The following ZNF521 variants were observed in gnomAD, a reference collection of about 807,000 sequenced individuals.
The protein encoded by ZNF521 is zinc finger protein 521, also known as LYST-interacting protein 3.
A neutral mutation model predicts 105.5 loss-of-function variants in ZNF521; 14 were observed. The ratio of observed to expected loss-of-function variants is 0.13; its 90% CI spans 0.09 to 0.21. The LOEUF is 0.21. ZNF521 is among the 10% of genes least tolerant of loss of function. The pLI is 1.00. For synonymous variants in ZNF521, 635 were observed against 606.0 expected (o/e 1.05, Z -0.70); for missense variants, 1,233 against 1,629.7 (o/e 0.76, Z 4.19).
intron 7 of ZNF521, among the ~76,000 whole-genome samples, chr18:25,067,724 A>G (rs924161885): frequency 6.6e-6 from 1 of 151,830 alleles, no homozygotes; most frequent in Non-Finnish European, 1.5e-5. Context: ...AGCCAGGGGG[A>G]ACCTATCTTC....
At chr18:25,247,617 A>AAAATATATTCCATGTT (rs1907821378) in intron 3 of ZNF521, among the ~76,000 whole-genome samples, 1 of 152,210 alleles carries the variant, frequency 6.6e-6, no homozygotes, top group South Asian at 2.1e-4. Context: ...GTGCCACTGG[A>AAAATATATTCCATGTT]CTAGAACATA....
chr18:25,199,774 C>G (rs569500990), intron 4 of ZNF521, among the ~76,000 whole-genome samples: 1 of 152,142 alleles, frequency 6.6e-6, no homozygotes, highest in South Asian at 2.1e-4. Context: ...ACTTTAGACT[C>G]CTTCACTTGA....
intron 5 of ZNF521, among the ~76,000 whole-genome samples, chr18:25,114,786 G>A (rs962748064): frequency 1.3e-5 from 2 of 152,142 alleles, no homozygotes; most frequent in African/African-American, 2.4e-5. Context: ...CACTATAGAA[G>A]CTAAGGATAA....
rs577840011 is a variant in ZNF521, at chr18:25,163,446, C to T, written c.3658+31714G>A. ...TTTATATCAAGCCCCTTTTTAGCAC[C>T]GTGCTATTGGTTTGGTCCGACACCA... On this transcript the variant is annotated intron_variant, in intron 5 of 7. Transcript: ENST00000361524. 4.6e-5 allele frequency among the ~76,000 whole-genome samples: 7 copies of T among 152,164 alleles called. No individual in the cohort carries two copies. In the South Asian group the frequency reaches 1.2e-3, roughly 27 times the overall value.
At chr18:25,299,699 C>T (rs1911522448) in intron 3 of ZNF521, among the ~76,000 whole-genome samples, 1 of 152,072 alleles carries the variant, frequency 6.6e-6, no homozygotes, top group Non-Finnish European at 1.5e-5. Flanking sequence ...AAAGACATAC[C>T]ACTCTATAAA....
intron 2 of ZNF521, among the ~76,000 whole-genome samples, chr18:25,329,127 A>G (rs1913405172): frequency 6.6e-6 from 1 of 152,208 alleles, no homozygotes; most frequent in African/African-American, 2.4e-5. Flanking sequence ...TTCCTGTCCC[A>G]AGAAGTTTGC....
chr18:25,333,535 C>T (rs1294221709), intron 2 of ZNF521, among the ~76,000 whole-genome samples: 1 of 151,924 alleles, frequency 6.6e-6, no homozygotes, highest in Non-Finnish European at 1.5e-5. Context: ...AAAAAAAGTA[C>T]ATCCTGTCTC....
rs528927844 is a variant in ZNF521, at chr18:25,253,409, A to C, written c.221-25712T>G. Among the ~76,000 whole-genome samples, 43 of 152,008 alleles carry C rather than the reference A, an allele frequency of 2.8e-4. No homozygotes were observed. The South Asian group carries it at 7.1e-3, about 25-fold the overall frequency. On this transcript the variant is annotated intron_variant, in intron 3 of 7. Transcript: ENST00000361524. ...AAGCCTGTCACATTCAGGAAAATTT[A>C]GGGGAAACAATTGGGAGTTTAAAAG...
At chr18:25,304,472 A>C (rs1317739589) in intron 3 of ZNF521, among the ~76,000 whole-genome samples, 1 of 152,162 alleles carries the variant, frequency 6.6e-6, no homozygotes, top group Non-Finnish European at 1.5e-5. Flanking sequence ...TGTGTGTGCA[A>C]ACCTACAGCA....
chr18:25,183,222 TC>T (rs748428569), intron 5 of ZNF521, among the ~76,000 whole-genome samples: 9 of 152,074 alleles, frequency 5.9e-5, no homozygotes, highest in Non-Finnish European at 1.2e-4. Context: ...TAAATCGATT[TC>T]CCCTCATCTC....
At chr18:25,065,679 A>G (rs2033040702) in intron 7 of ZNF521, among the ~76,000 whole-genome samples, 1 of 152,140 alleles carries the variant, frequency 6.6e-6, no homozygotes, top group Non-Finnish European at 1.5e-5. Context: ...CAAATGTTTA[A>G]GTGCTTATGA....
chr18:25,155,693 T>C (rs2035130017), intron 5 of ZNF521, among the ~76,000 whole-genome samples: 1 of 152,214 alleles, frequency 6.6e-6, no homozygotes, highest in African/African-American at 2.4e-5. Flanking sequence ...CCTCACTGTG[T>C]CTTTTTGGTG....
intron 7 of ZNF521, among the ~76,000 whole-genome samples, chr18:25,074,303 C>T (rs1250554785): frequency 6.6e-6 from 1 of 152,182 alleles, no homozygotes; most frequent in Admixed American, 6.5e-5. Flanking sequence ...TCTAAGCAAG[C>T]CCTTTAAAAA....
chr18:25,224,059 G>C, intron 4 of ZNF521: 1 of 344,502 alleles, frequency 2.9e-6, no homozygotes, highest in Non-Finnish European at 5.3e-6. Context: ...TGAGATTCCA[G>C]ATCTCAGTAG....
intron 3 of ZNF521, among the ~76,000 whole-genome samples, chr18:25,298,120 G>A (rs1911428355): frequency 6.6e-6 from 1 of 152,130 alleles, no homozygotes; most frequent in African/African-American, 2.4e-5. Context: ...CTTAATTACT[G>A]TTGAGTTACT....
chr18:25,241,737 A>T (rs45487195), intron 3 of ZNF521, among the ~76,000 whole-genome samples: 1 of 151,302 alleles, frequency 6.6e-6, no homozygotes, highest in African/African-American at 2.4e-5. Context: ...CTATGGACAG[A>T]TTCAAAAACA....
chr18:25,318,154 T>C (rs756848655), intron 3 of ZNF521, among the ~76,000 whole-genome samples: 9 of 152,150 alleles, frequency 5.9e-5, no homozygotes, highest in Non-Finnish European at 1.0e-4. Context: ...ACTACTTATA[T>C]ACACAACAAT....
Position 25,285,692 on chromosome 18 carries a change from TCTCTCTCACACACACACA to T in ZNF521, c.220+36298_220+36315del, listed in dbSNP as rs1160947498. Among the ~76,000 whole-genome samples, 926 of 134,658 alleles carry T rather than the reference TCTCTCTCACACACACACA, an allele frequency of 6.9e-3. 10 individuals carry two copies. The highest frequency in any genetic ancestry group is 0.027 in the African/African-American group (869 of 31,956). 88.3% of individuals were successfully genotyped at this position (134,658 alleles called of 152,430 possible). On this transcript the variant is annotated intron_variant, in intron 3 of 7. Transcript: ENST00000361524. The stretch of plus-strand genomic sequence containing the variant: ...TTTTGTAGTTGCACTTCTCTCTCTC[TCTCTCTCACACACACACA>T]CACACACACACACACACACACGTAC...
intron 3 of ZNF521, among the ~76,000 whole-genome samples, chr18:25,282,656 T>C (rs905992255): frequency 6.6e-6 from 1 of 152,120 alleles, no homozygotes; most frequent in African/African-American, 2.4e-5. Context: ...AGGGATCTTT[T>C]TGAAAGGACT....
Sources: gnomAD v4.1 joint callset for allele counts (sites outside exome capture counted in the v4.1 genomes callset) on GRCh38, gnomAD v4.1.1 for gene constraint, MANE v1.5 for transcripts, NCBI Gene and HGNC (gene_info 2026-07-23, HGNC 2026-07-21) for gene names.